ANKRD42: variants seen among roughly 807,000 people sequenced by gnomAD.
The protein encoded by ANKRD42 is ankyrin repeat domain 42, also known as ankyrin repeat domain-containing protein 42.
Under a neutral mutation model 51.5 loss-of-function variants are expected in ANKRD42, and 43 were observed. The observed-to-expected ratio is 0.83, with a 90% CI of 0.65 to 1.08. ANKRD42 has a LOEUF of 1.08. Among genes scored for constraint, ANKRD42 ranks in the 50% least tolerant of loss-of-function variants. The pLI, the probability that ANKRD42 is intolerant of heterozygous loss-of-function variation, is 0.00. For missense variants in ANKRD42, 608 were observed against 629.3 expected (o/e 0.97, Z 0.36); for synonymous variants, 203 against 213.0 (o/e 0.95, Z 0.41).
At chr11:83,260,286 G>C (rs919345244), downstream of ANKRD42, 8 of 152,172 alleles carry the variant, frequency 5.3e-5, no homozygotes, top group Non-Finnish European at 1.2e-4. Context: ...TGTGCACACA[G>C]GGACTAGCAT....
intron 5 of ANKRD42, among the ~76,000 whole-genome samples, chr11:83,218,546 C>G (rs1478574519): frequency 2.6e-5 from 4 of 152,186 alleles, no homozygotes; most frequent in East Asian, 1.9e-4. Context: ...GAGAATTTCC[C>G]TAAATCTGCC....
chr11:83,237,558 C>G (rs1863260502), intron 8 of ANKRD42, among the ~76,000 whole-genome samples: 2 of 152,260 alleles, frequency 1.3e-5, no homozygotes, highest in East Asian at 1.9e-4. Context: ...ACAGTATGCT[C>G]TGGTCCAATC....
chr11:83,209,908 G>A (rs1565180125), intron 3 of ANKRD42: 4 of 401,148 alleles, frequency 1.0e-5, no homozygotes, highest in Non-Finnish European at 1.8e-5. Context: ...GAATACACTT[G>A]GCAGATGGAG....
chr11:83,248,539 T>C lies in ANKRD42; in HGVS notation c.*335T>C, dbSNP rs762607681. On this transcript the variant is annotated 3_prime_UTR_variant, in exon 11 of 11. Transcript: ENST00000533342. ...AATAACCAAAATAAAGTGCTTTGAA[T>C]GGAATCCATATTTTCTTTCCATAGG... 4.7e-4 allele frequency: 468 copies of C among 1,001,634 alleles called. No homozygotes were observed. Among genetic ancestry groups the C allele is most frequent in the Non-Finnish European group, 5.3e-4 (444 of 840,668 alleles). The allele number at this position is 1,001,634 out of a possible 1,614,324, so 62.0% of individuals were successfully genotyped here.
At chr11:83,205,995 T>C in intron 2 of ANKRD42, 63 bp from the exon 3 acceptor site, 1 of 1,422,946 alleles carries the variant, frequency 7.0e-7, no homozygotes. Context: ...ACAGACCAAA[T>C]TTAAAAGATA....
intron 9 of ANKRD42, among the ~76,000 whole-genome samples, chr11:83,244,872 G>A (rs1290698350): frequency 2.0e-5 from 3 of 152,112 alleles, no homozygotes; most frequent in Non-Finnish European, 4.4e-5. Context: ...GATTGCACGT[G>A]GTCCTGTAAT....
At chr11:83,260,252 TG>T (rs1380096340), downstream of ANKRD42, 1 of 152,222 alleles carries the variant, frequency 6.6e-6, no homozygotes, top group Non-Finnish European at 1.5e-5. Context: ...GTCAATTCAA[TG>T]AGAATGAAAC....
chr11:83,246,829 G>T (rs1167081845), intron 10 of ANKRD42, among the ~76,000 whole-genome samples: 2 of 152,090 alleles, frequency 1.3e-5, no homozygotes, highest in Non-Finnish European at 2.9e-5. Context: ...TTAAAAGAAA[G>T]AAAATAAAAA....
rs952991720 is a variant in ANKRD42 at position 83,212,091 on chromosome 11, AT to A, written c.586+671del. On this transcript the variant is annotated intron_variant, in intron 5 of 10. Coordinates refer to ENST00000533342, the MANE Select transcript of ANKRD42 (RefSeq NM_001300975.2). ...CAACTTATTTATTTTTAAATTTTTTATTTTTTTTTTGAGATAGGGTCTTGCT... is the reference window on the plus strand; with the variant it reads ...CAACTTATTTATTTTTAAATTTTTTATTTTTTTTTGAGATAGGGTCTTGCT... Among the ~76,000 whole-genome samples the A allele has an allele frequency of 1.6e-3, 239 of 148,332 alleles. 1 individual carries two copies. The highest frequency in any genetic ancestry group is 6.9e-3 in the Middle Eastern group (2 of 290).
intron 5 of ANKRD42, 150 bp from the exon 6 acceptor site, chr11:83,224,705 G>A: frequency 2.0e-6 from 1 of 508,096 alleles, no homozygotes; most frequent in Non-Finnish European, 3.1e-6. Context: ...AATCACTTGA[G>A]CCCAGGAGTT....
intron 10 of ANKRD42, among the ~76,000 whole-genome samples, chr11:83,247,497 C>T (rs1863579450): frequency 6.6e-6 from 1 of 152,166 alleles, no homozygotes; most frequent in Non-Finnish European, 1.5e-5. Context: ...CTAATGTCTA[C>T]AGGGTTATCT....
chr11:83,219,190 C>A (rs780361175), intron 5 of ANKRD42, among the ~76,000 whole-genome samples: 3 of 152,194 alleles, frequency 2.0e-5, no homozygotes, highest in Non-Finnish European at 4.4e-5. Context: ...CAGTTGTATT[C>A]AAAGCTCATG....
Position 83,247,913 on chromosome 11 carries a change from T to C in ANKRD42, c.1323-30T>C, listed in dbSNP as rs773679875. The C allele has an allele frequency of 3.2e-6, 5 of 1,563,332 alleles. No homozygotes were observed. The South Asian group carries it at 6.0e-5, about 19-fold the overall frequency. On this transcript the variant is annotated intron_variant, in intron 10 of 10. Transcript: ENST00000533342. The stretch of plus-strand genomic sequence containing the variant: ...AGTAATTATTAGTTGACATTGATGA[T>C]TGATTTTTAAAAAATTTTGTTTTTG...
intron 7 of ANKRD42, among the ~76,000 whole-genome samples, chr11:83,234,587 C>T (rs1863172044): frequency 1.3e-5 from 2 of 152,176 alleles, no homozygotes; most frequent in East Asian, 3.9e-4. Flanking sequence ...ACTTAACCTC[C>T]CTCCCTCCTG....
intron 5 of ANKRD42, among the ~76,000 whole-genome samples, chr11:83,220,430 C>A (rs1862683942): frequency 6.6e-6 from 1 of 152,156 alleles, no homozygotes; most frequent in Non-Finnish European, 1.5e-5. Context: ...AGATGCCTTT[C>A]CTGGACACTC....
intron 9 of ANKRD42, among the ~76,000 whole-genome samples, chr11:83,245,287 A>G (rs1863510025): frequency 6.6e-6 from 1 of 152,240 alleles, no homozygotes; most frequent in East Asian, 1.9e-4. Flanking sequence ...CAGGGAAAGA[A>G]TCCTCCATTT....
chr11:83,199,038 A>G lies in ANKRD42; in HGVS notation c.222+396A>G, dbSNP rs543957246. Among the ~76,000 whole-genome samples the G allele has an allele frequency of 1.7e-4, 26 of 152,314 alleles. No individual in the cohort carries two copies. In the Middle Eastern group the frequency reaches 0.01, roughly 60 times the overall value. On this transcript the variant is annotated intron_variant, in intron 2 of 10. Transcript: ENST00000533342. ...CCTTAAACTTCATCCCTGTGGGCCT[A>G]TTTGTGAGGTTTCTACATGTGAGCT...
downstream of ANKRD42, chr11:83,259,453 C>T (rs1863837380): frequency 6.6e-6 from 1 of 152,150 alleles, no homozygotes; most frequent in South Asian, 2.1e-4. Flanking sequence ...TAAACCCCTA[C>T]AATGAGAAAG....
chr11:83,263,637 C>G (rs574148529), downstream of ANKRD42, among the ~76,000 whole-genome samples: 2 of 152,328 alleles, frequency 1.3e-5, no homozygotes, highest in East Asian at 3.9e-4. Context: ...AAGGTGGCGT[C>G]TGACCCACGA....
Sources: allele counts gnomAD v4.1 joint callset (sites outside exome capture counted in the v4.1 genomes callset), GRCh38; gene constraint gnomAD v4.1.1; transcripts MANE v1.5; gene names NCBI Gene and HGNC (gene_info 2026-07-23, HGNC 2026-07-21).